Variants in HS3ST5 observed in about 807,000 individuals in gnomAD.
The protein encoded by HS3ST5 is heparan sulfate glucosamine 3-O-sulfotransferase 5.
In HS3ST5, 10 loss-of-function variants were observed where a neutral mutation model predicts 25.4. The observed-to-expected ratio is 0.39, with a 90% CI of 0.24 to 0.67. The LOEUF is 0.67. Among genes scored for constraint, HS3ST5 ranks in the 30% least tolerant of loss-of-function variants. The pLI is 0.44. For synonymous variants in HS3ST5, 170 were observed against 162.4 expected (o/e 1.05, Z -0.36); for missense variants, 324 against 420.7 (o/e 0.77, Z 2.01).
intron 1 of HS3ST5, among the ~76,000 whole-genome samples, chr6:114,301,545 T>C (rs73542395): frequency 0.012 from 1,758 of 152,214 alleles, 22 homozygotes; most frequent in African/African-American, 0.036. Context: ...ATTTAAGGGA[T>C]CTACATCTGG....
At chr6:114,111,345 TC>T (rs1329323170) in intron 3 of HS3ST5, among the ~76,000 whole-genome samples, 1 of 152,172 alleles carries the variant, frequency 6.6e-6, no homozygotes, top group Non-Finnish European at 1.5e-5. Context: ...AATAGGAACA[TC>T]CTTAGCAAAT....
At chr6:114,116,510 T>C (rs868496492) in intron 3 of HS3ST5, among the ~76,000 whole-genome samples, 3 of 152,146 alleles carry the variant, frequency 2.0e-5, no homozygotes, top group Non-Finnish European at 4.4e-5. Context: ...ACAAACTTAC[T>C]AGGTCTCCAA....
intron 1 of HS3ST5, among the ~76,000 whole-genome samples, chr6:114,301,789 G>T (rs1562269325): frequency 1.3e-5 from 2 of 152,036 alleles, no homozygotes; most frequent in East Asian, 1.9e-4. Flanking sequence ...GAATGGGACA[G>T]GTCTCCCAGG....
Position 114,342,544 on chromosome 6 carries a change from G to C in HS3ST5, c.-688C>G, listed in dbSNP as rs1776931070. ...GCACTTCCCCGAGAGGCTGGAACCA[G>C]GTGCGGCAGGGCGCGCTCCCGTGGC... is the stretch of plus-strand genomic sequence containing the variant. On this transcript the variant is annotated 5_prime_UTR_variant, in exon 1 of 5. Coordinates refer to ENST00000312719, the MANE Select transcript of HS3ST5 (RefSeq NM_153612.4). 1 of 154,846 alleles carries C rather than the reference G, an allele frequency of 6.5e-6. No homozygotes were observed. The highest frequency in any genetic ancestry group is 2.4e-5 in the African/African-American group (1 of 41,458). The allele number at this position is 154,846 out of a possible 1,614,324, so 9.6% of individuals were successfully genotyped here. A position where few individuals can be genotyped will look rare whatever the true frequency, so the allele number is the denominator to read the frequency against.
intron 1 of HS3ST5, among the ~76,000 whole-genome samples, chr6:114,261,593 T>A (rs1037022569): frequency 3.9e-5 from 6 of 152,200 alleles, no homozygotes; most frequent in African/African-American, 1.4e-4. Flanking sequence ...GTTTAATAAT[T>A]TGTATACTAC....
intron 3 of HS3ST5, among the ~76,000 whole-genome samples, chr6:114,141,850 A>T (rs1052786339): frequency 1.3e-4 from 17 of 132,310 alleles, no homozygotes; most frequent in Non-Finnish European, 3.1e-5. Flanking sequence ...TCTATCTAAG[A>T]TGATAGTTTG....
intron 3 of HS3ST5, among the ~76,000 whole-genome samples, chr6:114,091,088 A>G (rs1418523586): frequency 6.6e-6 from 1 of 152,104 alleles, no homozygotes; most frequent in Non-Finnish European, 1.5e-5. Context: ...TTTAGTCCCT[A>G]TTTATTTTCC....
At chr6:114,318,332 G>T (rs1210880316) in intron 1 of HS3ST5, among the ~76,000 whole-genome samples, 2 of 152,044 alleles carry the variant, frequency 1.3e-5, no homozygotes, top group Admixed American at 6.6e-5. Flanking sequence ...AATCCATGTG[G>T]ATTATCTTCC....
chr6:114,246,201 G>A (rs1407929716), intron 1 of HS3ST5, among the ~76,000 whole-genome samples: 2 of 152,218 alleles, frequency 1.3e-5, no homozygotes, highest in Non-Finnish European at 2.9e-5. Context: ...AACAGTGCTT[G>A]TCCAGCATTC....
At chr6:114,226,089 A>G (rs556275282) in intron 2 of HS3ST5, among the ~76,000 whole-genome samples, 1 of 151,992 alleles carries the variant, frequency 6.6e-6, no homozygotes, top group Non-Finnish European at 1.5e-5. Context: ...AACTAAACGT[A>G]TGTTACACCA....
chr6:114,218,844 AC>A lies in HS3ST5; in HGVS notation c.-145+9740del, dbSNP rs1316820841. On this transcript the variant is annotated intron_variant, in intron 2 of 4. Coordinates refer to ENST00000312719, the MANE Select transcript of HS3ST5 (RefSeq NM_153612.4). ...TTTTTTTTTGCTTAAACTTCTGCAC[AC>A]ACTGAATTTATTTAGATATGAAATA... Among the ~76,000 whole-genome samples, 5 of 152,326 alleles carry A rather than the reference AC, an allele frequency of 3.3e-5. No homozygotes were observed. In the East Asian group the frequency reaches 9.6e-4, roughly 29 times the overall value.
intron 3 of HS3ST5, among the ~76,000 whole-genome samples, chr6:114,096,878 T>G (rs1775458399): frequency 6.6e-6 from 1 of 152,124 alleles, no homozygotes; most frequent in Non-Finnish European, 1.5e-5. Context: ...ATTTGCATGT[T>G]TGTACAAAGC....
Position 114,224,687 on chromosome 6 carries a change from CATATATATAT to C in HS3ST5, c.-145+3888_-145+3897del, listed in dbSNP as rs796114598. On this transcript the variant is annotated intron_variant, in intron 2 of 4. Transcript: ENST00000312719. ...AACTTATTTTATACATATATATATA[CATATATATAT>C]ATACACACACACACACACACACACC... Among the ~76,000 whole-genome samples, 418 of 147,176 alleles carry C rather than the reference CATATATATAT, an allele frequency of 2.8e-3. 2 individuals are homozygous for C. Among genetic ancestry groups the C allele is most frequent in the African/African-American group, 0.01 (407 of 40,020 alleles).
chr6:114,240,956 C>T (rs952445194), intron 1 of HS3ST5, among the ~76,000 whole-genome samples: 2 of 151,908 alleles, frequency 1.3e-5, no homozygotes, highest in Admixed American at 6.6e-5. Flanking sequence ...ATGAGGACAC[C>T]GAGCAAGGTA....
rs543056889 is a variant in HS3ST5, at chr6:114,309,835, T to C, written c.-339+32360A>G. On this transcript the variant is annotated intron_variant, in intron 1 of 4. Coordinates refer to ENST00000312719, the MANE Select transcript of HS3ST5 (RefSeq NM_153612.4). ...AAAAATATAGTACTACATTTGTCTTTGGGCCAAGATTGTTTCACATTCTAA... is the reference window on the plus strand; with the variant it reads ...AAAAATATAGTACTACATTTGTCTTCGGGCCAAGATTGTTTCACATTCTAA... 1.6e-4 allele frequency among the ~76,000 whole-genome samples: 24 copies of C among 152,358 alleles called. No homozygotes were observed. The South Asian group carries it at 3.1e-3, about 20-fold the overall frequency.
At chr6:114,125,759 A>G (rs937924150) in intron 3 of HS3ST5, among the ~76,000 whole-genome samples, 1 of 152,186 alleles carries the variant, frequency 6.6e-6, no homozygotes, top group Non-Finnish European at 1.5e-5. Flanking sequence ...TGTCTCAAAT[A>G]TATCAACTTG....
chr6:114,122,450 G>C (rs925900804), intron 3 of HS3ST5, among the ~76,000 whole-genome samples: 4 of 152,156 alleles, frequency 2.6e-5, no homozygotes, highest in Non-Finnish European at 4.4e-5. Context: ...GGAATTCTGA[G>C]CCAAGAGAGA....
chr6:114,244,885 C>T (rs1772310025), intron 1 of HS3ST5, among the ~76,000 whole-genome samples: 1 of 152,130 alleles, frequency 6.6e-6, no homozygotes, highest in African/African-American at 2.4e-5. Flanking sequence ...CCATTATTAT[C>T]TTAAGTTTAC....
At chr6:114,256,924 T>G (rs539198387) in intron 1 of HS3ST5, among the ~76,000 whole-genome samples, 11 of 152,256 alleles carry the variant, frequency 7.2e-5, no homozygotes, top group African/African-American at 2.7e-4. Flanking sequence ...AATGGACTTA[T>G]AGTTTCACAT....
Sources: gnomAD v4.1 joint callset for allele counts (sites outside exome capture counted in the v4.1 genomes callset) on GRCh38, gnomAD v4.1.1 for gene constraint, MANE v1.5 for transcripts, NCBI Gene and HGNC (gene_info 2026-07-23, HGNC 2026-07-21) for gene names.